Variants in RPF2 observed in about 807,000 individuals in gnomAD.
RPF2 encodes the protein ribosome production factor 2 homolog, also known as brix domain containing 1.
A neutral mutation model predicts 38.9 loss-of-function variants in RPF2; 21 were observed. The ratio of observed to expected loss-of-function variants is 0.54; its 90% CI spans 0.38 to 0.78. The LOEUF is 0.78. RPF2 is among the 30% of genes least tolerant of loss of function. The probability of loss-of-function intolerance (pLI) is 0.00; values close to 1 mark genes in which losing one functional copy is unlikely to be tolerated. For synonymous variants in RPF2, 121 were observed against 126.2 expected (o/e 0.96, Z 0.28); for missense variants, 314 against 358.1 (o/e 0.88, Z 0.99).
intron 3 of RPF2, among the ~76,000 whole-genome samples, chr6:110,989,576 T>C (rs1001347075): frequency 2.0e-5 from 3 of 151,126 alleles, no homozygotes; most frequent in African/African-American, 7.3e-5. Context: ...TGGCCTCCCA[T>C]GTAGCTAGGA....
chr6:111,015,919 G>A, intron 8 of RPF2, 63 bp downstream of exon 8: 1 of 1,225,066 alleles, frequency 8.2e-7, no homozygotes, highest in Non-Finnish European at 1.2e-6. Context: ...CTGTGTGACT[G>A]TTTTTTAGAG....
intron 5 of RPF2, among the ~76,000 whole-genome samples, 195 bp from the exon 6 acceptor site, chr6:110,999,516 G>A (rs1269710978): frequency 3.3e-5 from 5 of 152,116 alleles, no homozygotes; most frequent in Non-Finnish European, 7.3e-5. Flanking sequence ...AGTAATATCT[G>A]AGATCCTTTC....
chr6:111,024,633 AACC>A (rs1772291373), intron 9 of RPF2, among the ~76,000 whole-genome samples: 2 of 151,842 alleles, frequency 1.3e-5, no homozygotes, highest in African/African-American at 4.8e-5. Flanking sequence ...GAATGGCGTG[AACC>A]GGGGAGGTGG....
intron 6 of RPF2, among the ~76,000 whole-genome samples, chr6:111,005,248 T>C (rs1771889020): frequency 6.6e-6 from 1 of 152,210 alleles, no homozygotes; most frequent in Non-Finnish European, 1.5e-5. Flanking sequence ...CCTCTGGTCC[T>C]AGGGCAGAGG....
chr6:111,012,368 T>G (rs1466055936), intron 7 of RPF2, among the ~76,000 whole-genome samples: 1 of 152,036 alleles, frequency 6.6e-6, no homozygotes, highest in African/African-American at 2.4e-5. Flanking sequence ...CATGAGGTCT[T>G]GCTGCATTGC....
intron 7 of RPF2, among the ~76,000 whole-genome samples, chr6:111,015,342 C>T (rs1434743195): frequency 6.6e-6 from 1 of 151,496 alleles, no homozygotes; most frequent in African/African-American, 2.4e-5. Flanking sequence ...TGTTGGCCTC[C>T]CTCATAGAAA....
chr6:111,005,612 T>G (rs1055834822), intron 6 of RPF2, among the ~76,000 whole-genome samples: 1 of 152,194 alleles, frequency 6.6e-6, no homozygotes, highest in African/African-American at 2.4e-5. Flanking sequence ...GCTGGTAGTT[T>G]AATTTAGCCT....
intron 8 of RPF2, among the ~76,000 whole-genome samples, chr6:111,017,549 C>T (rs1193152222): frequency 6.9e-6 from 1 of 144,962 alleles, no homozygotes; most frequent in African/African-American, 2.6e-5. Context: ...GGCGGCCGGG[C>T]AGAGACGCTC....
At chr6:110,982,419 A>G in intron 1 of RPF2, 1 of 501,390 alleles carries the variant, frequency 2.0e-6, no homozygotes, top group Non-Finnish European at 3.6e-6. Flanking sequence ...GACAGATGGT[A>G]TAGTGGGGTT....
chr6:111,014,368 A>G (rs4945869), intron 7 of RPF2, among the ~76,000 whole-genome samples: 130,412 of 152,154 alleles, frequency 0.86, 56,515 homozygotes, highest in East Asian at 1. Context: ...TCCTGACCTC[A>G]TGATCTGCTC....
At chr6:111,009,703 G>A (rs576651984) in intron 7 of RPF2, among the ~76,000 whole-genome samples, 5 of 152,094 alleles carry the variant, frequency 3.3e-5, no homozygotes, top group East Asian at 3.9e-4. Flanking sequence ...GAGGCAAGTC[G>A]TGTTCTGATG....
At chr6:110,992,589 A>G (rs2114301140) in intron 4 of RPF2, among the ~76,000 whole-genome samples, 1 of 152,226 alleles carries the variant, frequency 6.6e-6, no homozygotes, top group South Asian at 2.1e-4. Context: ...GATACTTTTA[A>G]AACAAGGAAC....
intron 4 of RPF2, 114 bp from the exon 5 acceptor site, chr6:110,997,068 TG>T: frequency 1.5e-6 from 1 of 673,264 alleles, no homozygotes. Flanking sequence ...TCCCAAGTGC[TG>T]GGATTACAGG....
intron 6 of RPF2, among the ~76,000 whole-genome samples, chr6:111,002,639 T>C (rs1771829489): frequency 6.6e-6 from 1 of 152,220 alleles, no homozygotes; most frequent in Admixed American, 6.5e-5. Flanking sequence ...AGCCCAGGTC[T>C]CATTCTTAAC....
chr6:110,989,102 T>C (rs1400106791), intron 3 of RPF2, 37 bp downstream of exon 3: 1 of 1,485,088 alleles, frequency 6.7e-7, no homozygotes, highest in Non-Finnish European at 8.9e-7. Flanking sequence ...TTTAAATGAT[T>C]TTGTTTCATT....
chr6:111,003,120 G>A (rs547880514), intron 6 of RPF2, among the ~76,000 whole-genome samples: 3 of 138,066 alleles, frequency 2.2e-5, no homozygotes, highest in Admixed American at 8.0e-5. Context: ...TCTAACACCA[G>A]TGTCACCAAT....
intron 7 of RPF2, among the ~76,000 whole-genome samples, chr6:111,008,863 C>T (rs1166845960): frequency 6.3e-5 from 9 of 142,448 alleles, no homozygotes; most frequent in Non-Finnish European, 1.4e-4. Flanking sequence ...CATCAAGTTT[C>T]TTTTCCGGGA....
chr6:111,019,076 A>G (rs978210061), intron 8 of RPF2, among the ~76,000 whole-genome samples: 3 of 152,046 alleles, frequency 2.0e-5, no homozygotes, highest in African/African-American at 7.2e-5. Context: ...TTAGCTGGAC[A>G]TGGTGGCACT....
At chr6:110,999,839 T>G in intron 6 of RPF2, 52 bp downstream of exon 6, 3 of 983,212 alleles carry the variant, frequency 3.1e-6, no homozygotes, top group Non-Finnish European at 4.9e-6. Context: ...TCTTGACCAG[T>G]AGTGACATCT....
Sources: allele counts gnomAD v4.1 joint callset (sites outside exome capture counted in the v4.1 genomes callset), GRCh38; gene constraint gnomAD v4.1.1; transcripts MANE v1.5; gene names NCBI Gene and HGNC (gene_info 2026-07-23, HGNC 2026-07-21).